The following KCNMA1 variants were observed in gnomAD, a reference collection of about 807,000 sequenced individuals.
The protein encoded by KCNMA1 is potassium calcium-activated channel subfamily M alpha 1.
In KCNMA1, 29 loss-of-function variants were observed where a neutral mutation model predicts 140.0. The ratio of observed to expected loss-of-function variants is 0.21; its 90% CI spans 0.15 to 0.28. The LOEUF is 0.28. Among genes scored for constraint, KCNMA1 ranks in the 10% least tolerant of loss-of-function variants. The pLI, the probability that KCNMA1 is intolerant of heterozygous loss-of-function variation, is 1.00. For missense variants in KCNMA1, 880 were observed against 1,602.2 expected (o/e 0.55, Z 7.70); for synonymous variants, 612 against 611.9 (o/e 1.00, Z 0.00).
At chr10:77,447,285 C>T (rs2097546819) in intron 1 of KCNMA1, among the ~76,000 whole-genome samples, 1 of 152,216 alleles carries the variant, frequency 6.6e-6, no homozygotes, top group African/African-American at 2.4e-5. Flanking sequence ...CATCAGCTCT[C>T]GACTTGTCCC....
At position 76,949,384 on chromosome 10, in the gene KCNMA1, G is replaced by A. The variant is rs2065372987; in HGVS notation, c.2485-18C>T. 1 of 1,601,688 alleles carries A rather than the reference G, an allele frequency of 6.2e-7. No individual in the cohort carries two copies. Among genetic ancestry groups the A allele is most frequent in the Non-Finnish European group, 8.5e-7 (1 of 1,169,878 alleles). On this transcript the variant is annotated intron_variant, in intron 21 of 27. Transcript: ENST00000286628. ...CTTCGAGTCTACAACAGGGAGAAGTGGGTAAGAGTCAGAGAGAAGACTGCA... is the reference window on the plus strand; with the variant it reads ...CTTCGAGTCTACAACAGGGAGAAGTAGGTAAGAGTCAGAGAGAAGACTGCA...
intron 1 of KCNMA1, among the ~76,000 whole-genome samples, chr10:77,541,388 T>C (rs1416354082): frequency 6.6e-6 from 1 of 152,176 alleles, no homozygotes; most frequent in African/African-American, 2.4e-5. Flanking sequence ...ATGTAATTAA[T>C]ATGATATGAA....
At chr10:77,385,086 G>A (rs2095555882) in intron 2 of KCNMA1, among the ~76,000 whole-genome samples, 1 of 152,196 alleles carries the variant, frequency 6.6e-6, no homozygotes, top group African/African-American at 2.4e-5. Context: ...CATACTCAAT[G>A]TGTTTATACA....
chr10:76,922,866 G>A (rs376727503), intron 23 of KCNMA1, among the ~76,000 whole-genome samples: 4 of 152,084 alleles, frequency 2.6e-5, no homozygotes, highest in African/African-American at 9.7e-5. Flanking sequence ...TTCTCTTCGC[G>A]GTGAAATGAT....
At chr10:77,138,084 C>A (rs910589901) in intron 5 of KCNMA1, among the ~76,000 whole-genome samples, 1 of 152,100 alleles carries the variant, frequency 6.6e-6, no homozygotes, top group Non-Finnish European at 1.5e-5. Flanking sequence ...CATTCATTCA[C>A]CCACACACAT....
At chr10:76,911,146 T>C (rs981599571) in intron 24 of KCNMA1, 1 of 152,110 alleles carries the variant, frequency 6.6e-6, no homozygotes, top group Non-Finnish European at 1.5e-5. Context: ...CAGCTAATTC[T>C]TTTTTCTAGA....
chr10:77,613,442 C>T (rs927257869), intron 1 of KCNMA1, among the ~76,000 whole-genome samples: 2 of 152,176 alleles, frequency 1.3e-5, no homozygotes. Context: ...TAAAATCAGA[C>T]CACATGGGCA....
rs2097983346 is a variant in KCNMA1 at position 77,135,272 on chromosome 10, G to A, written c.809-14224C>T. On this transcript the variant is annotated intron_variant, in intron 5 of 27. Coordinates refer to ENST00000286628, the MANE Select transcript of KCNMA1 (RefSeq NM_001161352.2). ...TGACATCACTATTTATCAGGGAAGT[G>A]CAAATTAAAACTACAATGAACTATC... Among the ~76,000 whole-genome samples the A allele has an allele frequency of 3.9e-5, 6 of 152,084 alleles. No homozygotes were observed. The South Asian group carries it at 8.3e-4, about 21-fold the overall frequency.
intron 5 of KCNMA1, among the ~76,000 whole-genome samples, chr10:77,127,258 T>TA (rs2097763028): frequency 6.6e-6 from 1 of 151,968 alleles, no homozygotes; most frequent in Non-Finnish European, 1.5e-5. Flanking sequence ...ATATCTTTTT[T>TA]AAAAAATACG....
chr10:77,532,570 T>C (rs2057925733), intron 1 of KCNMA1, among the ~76,000 whole-genome samples: 1 of 152,196 alleles, frequency 6.6e-6, no homozygotes, highest in South Asian at 2.1e-4. Context: ...AACCAGCCAA[T>C]GGCCAAACCC....
chr10:77,308,044 A>G (rs1016893771), intron 2 of KCNMA1, among the ~76,000 whole-genome samples: 1 of 152,214 alleles, frequency 6.6e-6, no homozygotes, highest in African/African-American at 2.4e-5. Flanking sequence ...CCTTAAGATA[A>G]GCACAGCATA....
chr10:77,149,366 AG>A (rs2098377620), intron 5 of KCNMA1, among the ~76,000 whole-genome samples: 1 of 152,240 alleles, frequency 6.6e-6, no homozygotes, highest in South Asian at 2.1e-4. Context: ...CAAGTTAGCA[AG>A]TCTCATTTTG....
At chr10:76,929,302 T>C (rs1337612614) in intron 23 of KCNMA1, among the ~76,000 whole-genome samples, 1 of 152,220 alleles carries the variant, frequency 6.6e-6, no homozygotes, top group Non-Finnish European at 1.5e-5. Flanking sequence ...TTTAGGCCCA[T>C]GGCCTGATTG....
chr10:77,224,927 C>T (rs1212388246), intron 3 of KCNMA1, among the ~76,000 whole-genome samples: 1 of 152,170 alleles, frequency 6.6e-6, no homozygotes, highest in Non-Finnish European at 1.5e-5. Flanking sequence ...GTTGTTGGCG[C>T]CGCTGCTCCC....
intron 18 of KCNMA1, among the ~76,000 whole-genome samples, chr10:77,009,550 C>CT (rs1347637282): frequency 6.6e-6 from 1 of 152,156 alleles, no homozygotes; most frequent in Non-Finnish European, 1.5e-5. Context: ...CCAGGGACAT[C>CT]TTTTAAACTA....
At chr10:77,240,507 T>C (rs573143639) in intron 3 of KCNMA1, among the ~76,000 whole-genome samples, 4 of 152,268 alleles carry the variant, frequency 2.6e-5, no homozygotes, top group South Asian at 2.1e-4. Flanking sequence ...GCACAGCCAA[T>C]TCAAGACCAG....
chr10:77,577,377 G>A (rs1213355204), intron 1 of KCNMA1, among the ~76,000 whole-genome samples: 1 of 152,084 alleles, frequency 6.6e-6, no homozygotes, highest in Non-Finnish European at 1.5e-5. Flanking sequence ...TGTAGTTGAA[G>A]CAGTTAACTT....
At chr10:77,477,076 G>A (rs988743499) in intron 1 of KCNMA1, among the ~76,000 whole-genome samples, 16 of 152,212 alleles carry the variant, frequency 1.1e-4, no homozygotes, top group African/African-American at 3.4e-4. Context: ...AAAGCTCTTA[G>A]CTGCATGACT....
intron 2 of KCNMA1, among the ~76,000 whole-genome samples, chr10:77,380,740 C>T (rs1416691658): frequency 6.6e-6 from 1 of 152,208 alleles, no homozygotes; most frequent in East Asian, 1.9e-4. Context: ...CTTCTGCCAT[C>T]CCTTCCCCTG....
Sources: allele counts gnomAD v4.1 joint callset (sites outside exome capture counted in the v4.1 genomes callset), GRCh38; gene constraint gnomAD v4.1.1; transcripts MANE v1.5; gene names NCBI Gene and HGNC (gene_info 2026-07-23, HGNC 2026-07-21).